SOX5: variants seen among roughly 807,000 people sequenced by gnomAD.
SOX5 encodes the protein transcription factor SOX-5.
In SOX5, 9 loss-of-function variants were observed where a neutral mutation model predicts 92.0. The ratio of observed to expected loss-of-function variants is 0.10; its 90% CI spans 0.06 to 0.17. The LOEUF is 0.17. Among genes scored for constraint, SOX5 ranks in the 10% least tolerant of loss-of-function variants. The pLI is 1.00. For synonymous variants in SOX5, 344 were observed against 336.3 expected (o/e 1.02, Z -0.25); for missense variants, 642 against 944.5 (o/e 0.68, Z 4.20).
chr12:24,526,032 G>A (rs544536672), intron 1 of SOX5, among the ~76,000 whole-genome samples: 4 of 151,948 alleles, frequency 2.6e-5, no homozygotes, highest in Admixed American at 1.3e-4. Flanking sequence ...CACCATGCCC[G>A]GCTAACTTTT....
intron 8 of SOX5, among the ~76,000 whole-genome samples, chr12:23,626,384 A>T (rs910378006): frequency 6.6e-6 from 1 of 152,160 alleles, no homozygotes. Flanking sequence ...CTCTTGGGTT[A>T]TCTAGCCCTG....
At chr12:23,830,802 T>G (rs1165199706) in intron 3 of SOX5, among the ~76,000 whole-genome samples, 1 of 152,132 alleles carries the variant, frequency 6.6e-6, no homozygotes, top group Non-Finnish European at 1.5e-5. Flanking sequence ...GAAGCTCTAG[T>G]TTAACTTGCC....
At chr12:23,761,165 A>G (rs2094552285) in intron 3 of SOX5, among the ~76,000 whole-genome samples, 1 of 152,172 alleles carries the variant, frequency 6.6e-6, no homozygotes, top group South Asian at 2.1e-4. Flanking sequence ...GCACATGTAG[A>G]CTATTCATGC....
intron 3 of SOX5, among the ~76,000 whole-genome samples, chr12:23,790,003 A>G (rs1178248364): frequency 6.6e-6 from 1 of 152,180 alleles, no homozygotes; most frequent in African/African-American, 2.4e-5. Flanking sequence ...TTTTATAAGC[A>G]CTATTAAGAG....
intron 3 of SOX5, among the ~76,000 whole-genome samples, chr12:24,230,952 T>G: frequency 6.6e-6 from 1 of 152,230 alleles, no homozygotes; most frequent in East Asian, 1.9e-4. Flanking sequence ...AACAGCTGAA[T>G]AACAAAACCT....
At chr12:24,204,439 A>G (rs551271144) in intron 4 of SOX5, among the ~76,000 whole-genome samples, 12 of 151,772 alleles carry the variant, frequency 7.9e-5, no homozygotes, top group African/African-American at 2.9e-4. Flanking sequence ...AGTGATTTTC[A>G]TGCCTCGGCT....
chr12:23,976,407 A>C (rs868620592), intron 4 of SOX5, among the ~76,000 whole-genome samples: 20 of 17,154 alleles, frequency 1.2e-3, no homozygotes, highest in East Asian at 4.7e-3. Flanking sequence ...ACAAAAAAAC[A>C]AAAAAAAAAA....
In SOX5 at chr12:23,589,109, A is replaced by G. The variant is rs148979219; in HGVS notation, c.1165-13271T>C. On this transcript the variant is annotated intron_variant, in intron 9 of 14. Coordinates refer to ENST00000451604, the MANE Select transcript of SOX5 (RefSeq NM_006940.6). Reference sequence around the variant, plus strand: ...TTAAGTGATGTGTGACTATGCATACATATAAATATATCCATACATATAACA... The same window carrying G: ...TTAAGTGATGTGTGACTATGCATACGTATAAATATATCCATACATATAACA... Among the ~76,000 whole-genome samples the G allele has an allele frequency of 3.8e-3, 576 of 152,090 alleles. 2 individuals carry two copies. Among genetic ancestry groups the G allele is most frequent in the African/African-American group, 0.013 (532 of 41,542 alleles).
In SOX5 at chr12:23,949,478, G is replaced by A. The variant is rs1022491044; in HGVS notation, c.38+86C>T. On this transcript the variant is annotated intron_variant, in intron 1 of 14. Transcript: ENST00000451604. The stretch of plus-strand genomic sequence containing the variant: ...AAGGCTTCTCTAACAAACACGTTTT[G>A]GGGGAGCATCTTCCAATGATTCAGA... 1.6e-5 allele frequency: 24 copies of A among 1,512,948 alleles called. No homozygotes were observed. The Admixed American group carries it at 3.8e-4, about 24-fold the overall frequency. 93.7% of individuals were successfully genotyped at this position (1,512,948 alleles called of 1,614,324 possible).
chr12:24,010,477 G>A (rs1294618608), intron 4 of SOX5, among the ~76,000 whole-genome samples: 3 of 152,178 alleles, frequency 2.0e-5, no homozygotes, highest in Non-Finnish European at 4.4e-5. Context: ...ACAGAAATAG[G>A]AGGTAGCAGT....
intron 1 of SOX5, among the ~76,000 whole-genome samples, chr12:24,390,409 A>G (rs1322362484): frequency 2.0e-5 from 3 of 152,268 alleles, no homozygotes; most frequent in East Asian, 1.9e-4. Flanking sequence ...CCTGTAATTG[A>G]CCAATGAATT....
chr12:24,021,693 T>C (rs1592409686), intron 4 of SOX5, among the ~76,000 whole-genome samples: 2 of 152,322 alleles, frequency 1.3e-5, no homozygotes, highest in Middle Eastern at 6.8e-3. Context: ...TGATGCCGAA[T>C]GTAATCCTTC....
At chr12:24,086,035 C>T (rs1364247928) in intron 4 of SOX5, among the ~76,000 whole-genome samples, 1 of 151,648 alleles carries the variant, frequency 6.6e-6, no homozygotes, top group Non-Finnish European at 1.5e-5. Context: ...TTTCTCAGCT[C>T]AGACTACTTT....
At chr12:24,495,442 G>C (rs1260266890) in intron 1 of SOX5, among the ~76,000 whole-genome samples, 1 of 152,152 alleles carries the variant, frequency 6.6e-6, no homozygotes, top group African/African-American at 2.4e-5. Flanking sequence ...AGTATTAGAA[G>C]ACTTATTCAG....
At chr12:23,595,865 C>G (rs1952324636) in intron 9 of SOX5, among the ~76,000 whole-genome samples, 1 of 152,088 alleles carries the variant, frequency 6.6e-6, no homozygotes, top group Admixed American at 6.6e-5. Context: ...CTAGGCCTCA[C>G]CACTAAGCAA....
At chr12:23,663,001 T>C (rs2083274313) in intron 7 of SOX5, among the ~76,000 whole-genome samples, 1 of 152,144 alleles carries the variant, frequency 6.6e-6, no homozygotes, top group Non-Finnish European at 1.5e-5. Context: ...GGGGAATAAA[T>C]CAGGAAATCC....
intron 2 of SOX5, among the ~76,000 whole-genome samples, chr12:24,309,415 A>G (rs1291462764): frequency 6.6e-6 from 1 of 152,178 alleles, no homozygotes; most frequent in East Asian, 1.9e-4. Context: ...GAAGTAAGCT[A>G]TTATTGTTAT....
chr12:24,036,831 T>C (rs1302109942), intron 4 of SOX5, among the ~76,000 whole-genome samples: 2 of 152,202 alleles, frequency 1.3e-5, no homozygotes, highest in Non-Finnish European at 2.9e-5. Flanking sequence ...AGTTATCTAA[T>C]GTTGGTAAAC....
At chr12:24,101,501 A>T (rs1165022816) in intron 4 of SOX5, among the ~76,000 whole-genome samples, 1 of 152,174 alleles carries the variant, frequency 6.6e-6, no homozygotes, top group East Asian at 1.9e-4. Flanking sequence ...CCAGTAGAAC[A>T]GTCACCACAA....
Sources: gnomAD v4.1 joint callset for allele counts (sites outside exome capture counted in the v4.1 genomes callset) on GRCh38, gnomAD v4.1.1 for gene constraint, MANE v1.5 for transcripts, NCBI Gene and HGNC (gene_info 2026-07-23, HGNC 2026-07-21) for gene names.